The following CDC40 variants were observed in gnomAD, a reference collection of about 807,000 sequenced individuals.
CDC40 encodes pre-mRNA-processing factor 17.
CDC40 carries 27 observed loss-of-function variants against 80.6 expected under a neutral mutation model. That is an observed-to-expected ratio of 0.33 (90% CI 0.25 to 0.46). CDC40 has a LOEUF of 0.46. Ranked by LOEUF, CDC40 falls within the 20% of genes least tolerant of loss-of-function variation. The probability of loss-of-function intolerance (pLI) is 1.00; values close to 1 mark genes in which losing one functional copy is unlikely to be tolerated. For synonymous variants in CDC40, 221 were observed against 232.6 expected, an observed-to-expected ratio of 0.95 and a Z score of 0.45; for missense variants, 486 against 694.1, an observed-to-expected ratio of 0.70 and a Z score of 3.37.
At chr6:110,221,619 C>T (rs1777777300) in intron 12 of CDC40, among the ~76,000 whole-genome samples, 1 of 152,162 alleles carries the variant, frequency 6.6e-6, no homozygotes, top group Non-Finnish European at 1.5e-5. Context: ...TGCACAAACT[C>T]TGGATGCATA....
chr6:110,220,670 T>G (rs7775237), intron 12 of CDC40, among the ~76,000 whole-genome samples: 1 of 151,962 alleles, frequency 6.6e-6, no homozygotes, highest in Non-Finnish European at 1.5e-5. Context: ...TGGTCTCGAT[T>G]TCCTGACCTT....
At chr6:110,190,678 T>C (rs1322358751) in intron 1 of CDC40, among the ~76,000 whole-genome samples, 1 of 152,068 alleles carries the variant, frequency 6.6e-6, no homozygotes, top group Non-Finnish European at 1.5e-5. Context: ...TGGGGTGGCC[T>C]GGTTGTAGTA....
At chr6:110,217,370 C>T (rs1408151436) in intron 9 of CDC40, among the ~76,000 whole-genome samples, 1 of 152,188 alleles carries the variant, frequency 6.6e-6, no homozygotes, top group Admixed American at 6.5e-5. Context: ...AAATTCTTGG[C>T]TAGCTAGTCA....
At chr6:110,196,662 T>C (rs566688828) in intron 2 of CDC40, among the ~76,000 whole-genome samples, 1 of 152,262 alleles carries the variant, frequency 6.6e-6, no homozygotes, top group South Asian at 2.1e-4. Flanking sequence ...AATGTTATGA[T>C]GAACTTTAGA....
intron 4 of CDC40, 80 bp from the exon 5 acceptor site, chr6:110,209,004 C>T: frequency 3.5e-6 from 3 of 863,784 alleles, no homozygotes; most frequent in South Asian, 3.6e-5. Flanking sequence ...TAAAATTAAA[C>T]ATATGTTCAT....
intron 8 of CDC40, among the ~76,000 whole-genome samples, chr6:110,214,600 G>T (rs1315360304): frequency 6.6e-6 from 1 of 152,312 alleles, no homozygotes; most frequent in East Asian, 1.9e-4. Flanking sequence ...GGTCTCAGAG[G>T]TCGTTTCCTA....
chr6:110,229,408 A>C (rs77839024), intron 14 of CDC40, among the ~76,000 whole-genome samples: 9,254 of 152,262 alleles, frequency 0.061, 367 homozygotes, highest in South Asian at 0.14. Context: ...CCAGCTTTTG[A>C]ATATTTCTAG....
At chr6:110,215,842 T>C (rs1264173589) in intron 9 of CDC40, among the ~76,000 whole-genome samples, 1 of 152,106 alleles carries the variant, frequency 6.6e-6, no homozygotes, top group East Asian at 1.9e-4. Context: ...GGTTTAGAGA[T>C]GATGAGCGCC....
At chr6:110,187,415 G>T (rs951381141) in intron 1 of CDC40, among the ~76,000 whole-genome samples, 2 of 152,074 alleles carry the variant, frequency 1.3e-5, no homozygotes, top group Non-Finnish European at 2.9e-5. Flanking sequence ...CTCTAATTTT[G>T]AGGCATATTT....
chr6:110,216,797 G>A (rs1777705026), intron 9 of CDC40, among the ~76,000 whole-genome samples: 1 of 152,102 alleles, frequency 6.6e-6, no homozygotes, highest in African/African-American at 2.4e-5. Context: ...ATTTTTCCCT[G>A]TAACTTTTAA....
At chr6:110,227,929 A>G (rs956673528) in intron 13 of CDC40, among the ~76,000 whole-genome samples, 2 of 152,218 alleles carry the variant, frequency 1.3e-5, no homozygotes, top group African/African-American at 2.4e-5. Context: ...TATAGGATGC[A>G]AGTATAGTCA....
At chr6:110,185,181 GT>G (rs953644156) in intron 1 of CDC40, among the ~76,000 whole-genome samples, 1 of 150,806 alleles carries the variant, frequency 6.6e-6, no homozygotes, top group African/African-American at 2.4e-5. Context: ...CTGGCCCCAT[GT>G]AGTTTCTGTC....
intron 1 of CDC40, among the ~76,000 whole-genome samples, chr6:110,181,294 G>A (rs1777186631): frequency 6.6e-6 from 1 of 152,236 alleles, no homozygotes; most frequent in African/African-American, 2.4e-5. Context: ...TGATTAATAA[G>A]GCAAGAGTTT....
intron 12 of CDC40, among the ~76,000 whole-genome samples, chr6:110,225,896 A>C (rs775965069): frequency 6.6e-6 from 1 of 152,214 alleles, no homozygotes; most frequent in Non-Finnish European, 1.5e-5. Flanking sequence ...ATTTTTTAAC[A>C]TAAAGGCCAA....
At chr6:110,221,871 T>C (rs1017718896) in intron 12 of CDC40, among the ~76,000 whole-genome samples, 8 of 151,858 alleles carry the variant, frequency 5.3e-5, no homozygotes, top group African/African-American at 1.4e-4. Flanking sequence ...GTTTCTTTTT[T>C]TTTTTTTTTT....
chr6:110,226,536 TTCCCCTCCTC>T (rs916452040), intron 13 of CDC40, among the ~76,000 whole-genome samples: 43 of 151,894 alleles, frequency 2.8e-4, no homozygotes, highest in Admixed American at 2.5e-3. Flanking sequence ...CTTTTTTCTT[TTCCCCTCCTC>T]TCCCCTCCTC....
At chr6:110,187,621 T>C (rs1206059846) in intron 1 of CDC40, among the ~76,000 whole-genome samples, 1 of 152,190 alleles carries the variant, frequency 6.6e-6, no homozygotes, top group Non-Finnish European at 1.5e-5. Context: ...AACTATGCCA[T>C]AAATTGATAA....
At chr6:110,205,427 G>A (rs565410746) in intron 3 of CDC40, among the ~76,000 whole-genome samples, 2 of 152,318 alleles carry the variant, frequency 1.3e-5, no homozygotes, top group East Asian at 3.9e-4. Context: ...CTGATTTGTA[G>A]TAAGACATAA....
chr6:110,228,044 C>A (rs1398396159), intron 13 of CDC40, among the ~76,000 whole-genome samples: 2 of 152,312 alleles, frequency 1.3e-5, no homozygotes, highest in South Asian at 4.1e-4. Context: ...ATGGTATAGT[C>A]TACTTACCCT....
Sources: gnomAD v4.1 joint callset for allele counts (sites outside exome capture counted in the v4.1 genomes callset) on GRCh38, gnomAD v4.1.1 for gene constraint, MANE v1.5 for transcripts, NCBI Gene and HGNC (gene_info 2026-07-23, HGNC 2026-07-21) for gene names.